ATE1: variants seen among roughly 807,000 people sequenced by gnomAD.
ATE1 encodes arginyltransferase 1.
ATE1 carries 36 observed loss-of-function variants against 70.5 expected under a neutral mutation model. The ratio of observed to expected loss-of-function variants is 0.51; its 90% confidence interval spans 0.39 to 0.67. The LOEUF is 0.67. Ranked by LOEUF, ATE1 falls within the 30% of genes least tolerant of loss-of-function variation. The pLI, the probability that ATE1 is intolerant of heterozygous loss-of-function variation, is 0.00. For synonymous variants in ATE1, 232 were observed against 219.3 expected (o/e 1.06, Z -0.51); for missense variants, 593 against 629.5 (o/e 0.94, Z 0.62).
chr10:121,752,253 C>T (rs1476537688), intron 11 of ATE1, among the ~76,000 whole-genome samples: 10 of 126,422 alleles, frequency 7.9e-5, no homozygotes, highest in East Asian at 2.4e-4. Context: ...TTTTTTGAGA[C>T]GCAGTCTCCC....
intron 5 of ATE1, among the ~76,000 whole-genome samples, chr10:121,910,126 C>G (rs1202359040): frequency 1.3e-5 from 2 of 152,110 alleles, no homozygotes; most frequent in Non-Finnish European, 2.9e-5. Context: ...ACATGAAAAC[C>G]TTATGTAAAA....
chr10:121,895,391 C>T (rs1370970320), intron 7 of ATE1, among the ~76,000 whole-genome samples: 1 of 152,124 alleles, frequency 6.6e-6, no homozygotes, highest in African/African-American at 2.4e-5. Context: ...GGGTGGATCA[C>T]GAGGTCAGGA....
intron 4 of ATE1, among the ~76,000 whole-genome samples, chr10:121,911,384 G>A (rs1590705443): frequency 6.6e-6 from 1 of 151,360 alleles, no homozygotes. Context: ...GACTGCTTGA[G>A]GCCAGGAGTT....
At chr10:121,789,323 G>C (rs1202537687) in intron 11 of ATE1, among the ~76,000 whole-genome samples, 1 of 77,930 alleles carries the variant, frequency 1.3e-5, no homozygotes, top group African/African-American at 5.0e-5. Context: ...TTTTGAGACA[G>C]AGTCTTACAC....
At chr10:121,777,822 A>G (rs1357067029) in intron 11 of ATE1, among the ~76,000 whole-genome samples, 2 of 152,240 alleles carry the variant, frequency 1.3e-5, no homozygotes, top group Non-Finnish European at 2.9e-5. Flanking sequence ...TTATGTTTAT[A>G]AGAATACTTT....
At chr10:121,855,158 T>C (rs1949198832) in intron 8 of ATE1, among the ~76,000 whole-genome samples, 1 of 152,236 alleles carries the variant, frequency 6.6e-6, no homozygotes, top group Admixed American at 6.5e-5. Context: ...CCAGGCCCCC[T>C]CTCTGCTGTG....
intron 4 of ATE1, among the ~76,000 whole-genome samples, chr10:121,911,807 C>T (rs1951445892): frequency 1.3e-5 from 2 of 151,856 alleles, no homozygotes; most frequent in East Asian, 1.9e-4. Flanking sequence ...AGTGCAGGGG[C>T]GCGACCTCGG....
intron 11 of ATE1, among the ~76,000 whole-genome samples, chr10:121,757,847 C>A (rs752243060): frequency 1.3e-5 from 2 of 152,212 alleles, no homozygotes; most frequent in Non-Finnish European, 2.9e-5. Context: ...AAACTGTGTT[C>A]TTCACCTTCC....
intron 10 of ATE1, among the ~76,000 whole-genome samples, chr10:121,804,609 T>G (rs1344709959): frequency 6.6e-6 from 1 of 152,112 alleles, no homozygotes; most frequent in Non-Finnish European, 1.5e-5. Flanking sequence ...GAGCATTGAG[T>G]ATGTTTGGAA....
chr10:121,868,094 T>G (rs1330805581), intron 8 of ATE1, among the ~76,000 whole-genome samples: 3 of 152,194 alleles, frequency 2.0e-5, no homozygotes, highest in African/African-American at 7.2e-5. Context: ...TCTCATTATA[T>G]CTTGTCAAGC....
intron 10 of ATE1, among the ~76,000 whole-genome samples, chr10:121,809,437 C>A (rs1014972053): frequency 6.6e-6 from 1 of 152,122 alleles, no homozygotes; most frequent in Non-Finnish European, 1.5e-5. Flanking sequence ...ACATATACTA[C>A]CCATTTCATC....
intron 10 of ATE1, among the ~76,000 whole-genome samples, chr10:121,806,463 A>C (rs1018078252): frequency 1.3e-5 from 2 of 152,134 alleles, no homozygotes; most frequent in African/African-American, 4.8e-5. Context: ...CCCCACCCCC[A>C]AAAAACCCAT....
At position 121,803,408 on chromosome 10, in the gene ATE1, T is replaced by C. The variant is rs549260139; in HGVS notation, c.1258-13119A>G. On this transcript the variant is annotated intron_variant, in intron 10 of 11. Transcript: ENST00000224652. ...AAGTGACTTGATCAAGGCTAATTAC[T>C]GGCAAAACCAAGATTAGAACCACAA... Among the ~76,000 whole-genome samples, 4 of 152,316 alleles carry C rather than the reference T, an allele frequency of 2.6e-5. No individual in the cohort carries two copies. In the East Asian group the frequency reaches 7.7e-4, roughly 29 times the overall value.
At chr10:121,749,552 C>G (rs1335312921) in intron 11 of ATE1, among the ~76,000 whole-genome samples, 1 of 152,146 alleles carries the variant, frequency 6.6e-6, no homozygotes, top group Non-Finnish European at 1.5e-5. Flanking sequence ...TAAAAACTAT[C>G]AAACTGAATG....
chr10:121,907,629 C>A (rs1951250816), intron 5 of ATE1, among the ~76,000 whole-genome samples: 1 of 151,394 alleles, frequency 6.6e-6, no homozygotes. Flanking sequence ...AAAAAATTAG[C>A]ATGGTGGTGG....
At chr10:121,744,500 T>A (rs1319921730) in intron 11 of ATE1, among the ~76,000 whole-genome samples, 2 of 152,148 alleles carry the variant, frequency 1.3e-5, no homozygotes, top group Non-Finnish European at 2.9e-5. Flanking sequence ...CTCTCCGGCA[T>A]CATTCCTGCA....
At chr10:121,904,674 G>C (rs1400967713) in intron 5 of ATE1, among the ~76,000 whole-genome samples, 1 of 144,050 alleles carries the variant, frequency 6.9e-6, no homozygotes, top group African/African-American at 2.6e-5. Flanking sequence ...TCCCAAAACA[G>C]GGTACTCACA....
rs1015569401 is a variant in ATE1, at chr10:121,783,886, T to A, written c.1378+6283A>T. On this transcript the variant is annotated intron_variant, in intron 11 of 11. Transcript: ENST00000224652. The stretch of plus-strand genomic sequence containing the variant: ...AGGAACTGCTTGTTTGGGGGAAAAT[T>A]TTTTTTTTTTCGGTTTTGAGACAGG... Among the ~76,000 whole-genome samples, 180 of 151,568 alleles carry A rather than the reference T, an allele frequency of 1.2e-3. 1 individual carries two copies. Among genetic ancestry groups the A allele is most frequent in the African/African-American group, 3.8e-3 (157 of 41,354 alleles).
At chr10:121,780,023 C>T (rs1242045250) in intron 11 of ATE1, among the ~76,000 whole-genome samples, 1 of 152,150 alleles carries the variant, frequency 6.6e-6, no homozygotes, top group Non-Finnish European at 1.5e-5. Context: ...TGGGGCTGTC[C>T]TCTGCTCTTC....
Sources: allele counts gnomAD v4.1 joint callset (sites outside exome capture counted in the v4.1 genomes callset), GRCh38; gene constraint gnomAD v4.1.1; transcripts MANE v1.5; gene names NCBI Gene and HGNC (gene_info 2026-07-23, HGNC 2026-07-21).